SLC25A13: variants seen among roughly 807,000 people sequenced by gnomAD.
The protein encoded by SLC25A13 is electrogenic aspartate/glutamate antiporter SLC25A13, mitochondrial.
SLC25A13 carries 70 observed loss-of-function variants against 85.5 expected under a neutral mutation model. The ratio of observed to expected loss-of-function variants is 0.82; its 90% CI spans 0.68 to 1.00. The LOEUF is 1.00. Among genes scored for constraint, SLC25A13 ranks in the 50% least tolerant of loss-of-function variants. The probability of loss-of-function intolerance (pLI) is 0.00; values close to 1 mark genes in which losing one functional copy is unlikely to be tolerated. For synonymous variants in SLC25A13, 259 were observed against 288.7 expected (o/e 0.90, Z 1.04); for missense variants, 765 against 819.8 (o/e 0.93, Z 0.82).
intron 4 of SLC25A13, among the ~76,000 whole-genome samples, chr7:96,216,259 T>C (rs1562850303): frequency 6.6e-6 from 1 of 152,014 alleles, no homozygotes. Context: ...CAGATGCTGG[T>C]GAGGTTGCAG....
intron 15 of SLC25A13, among the ~76,000 whole-genome samples, chr7:96,122,503 C>T (rs980807567): frequency 3.9e-5 from 6 of 152,076 alleles, no homozygotes; most frequent in African/African-American, 1.4e-4. Context: ...CAAACCCCAA[C>T]CTCTCCAGTT....
intron 15 of SLC25A13, among the ~76,000 whole-genome samples, chr7:96,124,474 A>AT (rs1791643724): frequency 6.6e-6 from 1 of 152,336 alleles, no homozygotes; most frequent in African/African-American, 2.4e-5. Flanking sequence ...TTACATAGAA[A>AT]TTGATGGCGT....
chr7:96,250,571 G>A lies in SLC25A13; in HGVS notation c.213-15654C>T, dbSNP rs112374055. On this transcript the variant is annotated intron_variant, in intron 3 of 17. Transcript: ENST00000265631. ...AATGGGGCAGGATTCTCAAAAATAT[G>A]AGAATCTAATCCTATATATAGGTGG... 3.2e-3 allele frequency among the ~76,000 whole-genome samples: 489 copies of A among 152,238 alleles called. 1 individual carries two copies. Among genetic ancestry groups the A allele is most frequent in the African/African-American group, 0.011 (455 of 41,538 alleles).
chr7:96,167,741 G>A (rs1793813090), intron 13 of SLC25A13, among the ~76,000 whole-genome samples: 1 of 152,188 alleles, frequency 6.6e-6, no homozygotes, highest in Admixed American at 6.5e-5. Context: ...TCTAAGGTGT[G>A]TGACTGACTC....
chr7:96,302,081 T>A (rs1799566840), intron 1 of SLC25A13, among the ~76,000 whole-genome samples: 1 of 152,218 alleles, frequency 6.6e-6, no homozygotes, highest in African/African-American at 2.4e-5. Flanking sequence ...TCACTGAATA[T>A]GTAAAACTTT....
intron 13 of SLC25A13, among the ~76,000 whole-genome samples, chr7:96,167,321 T>A (rs1793794798): frequency 6.6e-6 from 1 of 152,152 alleles, no homozygotes; most frequent in Admixed American, 6.5e-5. Flanking sequence ...AAATAAGAAA[T>A]GGGATAAACT....
intron 3 of SLC25A13, among the ~76,000 whole-genome samples, chr7:96,273,101 T>C (rs145827574): frequency 6.6e-6 from 1 of 152,272 alleles, no homozygotes; most frequent in African/African-American, 2.4e-5. Context: ...GGAGATACAA[T>C]GGGTAGTATA....
At chr7:96,298,422 G>GAATTTGTA (rs1428911153) in intron 1 of SLC25A13, among the ~76,000 whole-genome samples, 9 of 152,026 alleles carry the variant, frequency 5.9e-5, no homozygotes, top group African/African-American at 2.2e-4. Context: ...CTATTCATAA[G>GAATTTGTA]AATTTGTAAT....
chr7:96,306,202 C>G (rs1799737341), intron 1 of SLC25A13, among the ~76,000 whole-genome samples: 1 of 152,208 alleles, frequency 6.6e-6, no homozygotes, highest in Non-Finnish European at 1.5e-5. Context: ...CATTATGTGA[C>G]ACTGTCCTTC....
chr7:96,271,261 G>T (rs1798228228), intron 3 of SLC25A13, among the ~76,000 whole-genome samples: 1 of 152,008 alleles, frequency 6.6e-6, no homozygotes, highest in African/African-American at 2.4e-5. Context: ...TCAACAAATT[G>T]ATATAAAACC....
chr7:96,133,694 C>T (rs1377048891), intron 14 of SLC25A13, among the ~76,000 whole-genome samples: 3 of 151,940 alleles, frequency 2.0e-5, no homozygotes, highest in African/African-American at 4.8e-5. Context: ...TCCCTTTTTG[C>T]CCCAAGCCTT....
chr7:96,286,297 A>G (rs1452510766), intron 2 of SLC25A13, among the ~76,000 whole-genome samples: 2 of 151,718 alleles, frequency 1.3e-5, no homozygotes, highest in Non-Finnish European at 2.9e-5. Context: ...AAAAAAAAAA[A>G]AAAAAAATCT....
rs372152204 is a variant in SLC25A13, at chr7:96,160,661, C to G, written c.1311+9384G>C. On this transcript the variant is annotated intron_variant, in intron 13 of 17. Coordinates refer to ENST00000265631, the MANE Select transcript of SLC25A13 (RefSeq NM_014251.3). ...GCTCCACCCTCATGACCTAATCACC[C>G]CCAAAGGTCCCACTCTTCTAATACC... 5.3e-5 allele frequency among the ~76,000 whole-genome samples: 8 copies of G among 152,282 alleles called. No homozygotes were observed. The South Asian group carries it at 8.3e-4, about 16-fold the overall frequency.
At chr7:96,161,436 C>T (rs915388024) in intron 13 of SLC25A13, among the ~76,000 whole-genome samples, 1 of 152,146 alleles carries the variant, frequency 6.6e-6, no homozygotes, top group Non-Finnish European at 1.5e-5. Context: ...AGTCACTACC[C>T]TTCCTTTCCA....
At position 96,209,083 on chromosome 7, in the gene SLC25A13, C is replaced by T. The variant is rs1795583254; in HGVS notation, c.329-106G>A. The T allele has an allele frequency of 3.5e-6, 4 of 1,143,240 alleles. No homozygotes were observed. In the African/African-American group the frequency reaches 4.7e-5, roughly 13 times the overall value. The allele number at this position is 1,143,240 out of a possible 1,614,324, so 70.8% of individuals were successfully genotyped here. On this transcript the variant is annotated intron_variant, in intron 4 of 17. Coordinates refer to ENST00000265631, the MANE Select transcript of SLC25A13 (RefSeq NM_014251.3). The stretch of plus-strand genomic sequence containing the variant: ...CTTTTTCTTATTAAAAAAAGTAATT[C>T]AATTTTAAATAGACATACAGATTAC...
chr7:96,249,042 G>A (rs1028931462), intron 3 of SLC25A13, among the ~76,000 whole-genome samples: 1 of 152,172 alleles, frequency 6.6e-6, no homozygotes. Context: ...ACAATTGCAC[G>A]TGCCTCTGTT....
chr7:96,170,866 T>A (rs1187936456), intron 12 of SLC25A13, among the ~76,000 whole-genome samples: 1 of 152,194 alleles, frequency 6.6e-6, no homozygotes, highest in Admixed American at 6.5e-5. Context: ...CACAAACGCT[T>A]AAACTGAATA....
At chr7:96,223,164 G>A (rs1382761262) in intron 4 of SLC25A13, among the ~76,000 whole-genome samples, 1 of 151,868 alleles carries the variant, frequency 6.6e-6, no homozygotes, top group African/African-American at 2.4e-5. Context: ...ACTTATCCAG[G>A]CAAAGAGTTG....
intron 15 of SLC25A13, among the ~76,000 whole-genome samples, chr7:96,129,486 C>T (rs781143642): frequency 5.3e-5 from 8 of 151,946 alleles, no homozygotes; most frequent in Admixed American, 1.3e-4. Flanking sequence ...ACTGATTCAA[C>T]ATAGGGGAAA....
Sources: allele counts gnomAD v4.1 joint callset (sites outside exome capture counted in the v4.1 genomes callset), GRCh38; gene constraint gnomAD v4.1.1; transcripts MANE v1.5; gene names NCBI Gene and HGNC (gene_info 2026-07-23, HGNC 2026-07-21).